ZNF143: variants seen among roughly 807,000 people sequenced by gnomAD.
The protein encoded by ZNF143 is zinc finger protein 143.
ZNF143 carries 49 observed loss-of-function variants against 74.1 expected under a neutral mutation model. The observed-to-expected ratio is 0.66, with a 90% CI of 0.53 to 0.84. ZNF143 has a LOEUF of 0.84. Ranked by LOEUF, ZNF143 falls within the 40% of genes least tolerant of loss-of-function variation. The probability of loss-of-function intolerance (pLI) is 0.00; values close to 1 mark genes in which losing one functional copy is unlikely to be tolerated. For synonymous variants in ZNF143, 304 were observed against 282.8 expected (o/e 1.07, Z -0.75); for missense variants, 637 against 793.4 (o/e 0.80, Z 2.37).
chr11:9,483,119 G>A (rs891121934), intron 7 of ZNF143, among the ~76,000 whole-genome samples: 2 of 149,966 alleles, frequency 1.3e-5, no homozygotes, highest in South Asian at 2.1e-4. Flanking sequence ...TCAGCCTCCC[G>A]AATAGCTGGG....
intron 11 of ZNF143, among the ~76,000 whole-genome samples, chr11:9,501,928 T>TC (rs1848176270): frequency 9.5e-6 from 1 of 105,442 alleles, no homozygotes; most frequent in African/African-American, 4.2e-5. Flanking sequence ...ATATATTCTT[T>TC]TTTTTTTTTT....
chr11:9,470,646 G>C (rs1484322248), intron 1 of ZNF143, among the ~76,000 whole-genome samples: 2 of 152,182 alleles, frequency 1.3e-5, no homozygotes. Flanking sequence ...ATGGTGAGTA[G>C]TAGGAAATGA....
At chr11:9,515,576 C>T (rs756072598) in intron 13 of ZNF143, among the ~76,000 whole-genome samples, 2 of 151,640 alleles carry the variant, frequency 1.3e-5, no homozygotes, top group Admixed American at 6.6e-5. Flanking sequence ...GTGGCATGAA[C>T]CCGGGAGGCG....
chr11:9,473,297 A>G (rs1856691312), intron 3 of ZNF143, among the ~76,000 whole-genome samples: 1 of 151,514 alleles, frequency 6.6e-6, no homozygotes. Context: ...AGGCTGAGGC[A>G]GGAGAGTCGC....
rs1243511429 is a variant in ZNF143, at chr11:9,471,285, C to T, written c.-7-17C>T. The T allele has an allele frequency of 6.4e-7, 1 of 1,574,192 alleles. No homozygotes were observed. Among genetic ancestry groups the T allele is most frequent in the Non-Finnish European group, 8.6e-7 (1 of 1,158,734 alleles). On this transcript the variant is annotated splice_polypyrimidine_tract_variant and intron_variant, in intron 1 of 15. Transcript: ENST00000396602. ...TGTATCATTCTTTGTTCCCAAGTGT[C>T]TTTATTTTTCTTCAAGGTAGAAGAT...
chr11:9,479,467 T>C lies in ZNF143; in HGVS notation c.571-5T>C. On this transcript the variant is annotated splice_region_variant and splice_polypyrimidine_tract_variant and intron_variant, in intron 6 of 15. Transcript: ENST00000396602. ...ACATTTTAAAGCTTTATTTTATTCC[T>C]ATAGGTGTCCATTGATGGAAGTGAA... 6.2e-7 allele frequency: 1 copy of C among 1,611,110 alleles called. No homozygotes were observed. Among genetic ancestry groups the C allele is most frequent in the Non-Finnish European group, 8.5e-7 (1 of 1,178,226 alleles).
chr11:9,526,630 T>G (rs868411366), intron 15 of ZNF143, among the ~76,000 whole-genome samples: 56 of 151,930 alleles, frequency 3.7e-4, no homozygotes, highest in Middle Eastern at 3.2e-3. Context: ...TAAATAGAGA[T>G]GGGGTCTCAC....
chr11:9,471,897 AT>A (rs924797734), intron 2 of ZNF143, among the ~76,000 whole-genome samples: 3 of 138,398 alleles, frequency 2.2e-5, no homozygotes, highest in Non-Finnish European at 3.1e-5. Context: ...AGGGCAGGGA[AT>A]TTTTTTTTTC....
intron 8 of ZNF143, among the ~76,000 whole-genome samples, chr11:9,495,113 A>G (rs1453040101): frequency 6.6e-6 from 1 of 152,224 alleles, no homozygotes; most frequent in Admixed American, 6.5e-5. Context: ...TAATTCACTG[A>G]AATCTAGCAA....
At chr11:9,482,612 G>A (rs1847290703) in intron 7 of ZNF143, among the ~76,000 whole-genome samples, 1 of 150,120 alleles carries the variant, frequency 6.7e-6, no homozygotes, top group Admixed American at 6.6e-5. Context: ...ATTACCATTT[G>A]GTATTGGTAC....
rs34432476 is a variant in ZNF143, at chr11:9,492,105, ATTTTTT to A, written c.646-2523_646-2518del. ...AGGCATTCGCCACCACACCTGGCTA[ATTTTTT>A]TTTTTTTTTTTTTTTTTGAGACGGA... is the stretch of plus-strand genomic sequence containing the variant. On this transcript the variant is annotated intron_variant, in intron 7 of 15. Coordinates refer to ENST00000396602, the MANE Select transcript of ZNF143 (RefSeq NM_003442.6). Among the ~76,000 whole-genome samples, 18 of 100,236 alleles carry A rather than the reference ATTTTTT, an allele frequency of 1.8e-4. No individual in the cohort carries two copies. In the East Asian group the frequency reaches 3.6e-3, roughly 20 times the overall value. The allele number at this position is 100,236 out of a possible 152,430, so 65.8% of individuals were successfully genotyped here.
chr11:9,524,074 G>A (rs1363541300), intron 14 of ZNF143, among the ~76,000 whole-genome samples: 1 of 150,664 alleles, frequency 6.6e-6, no homozygotes, highest in Non-Finnish European at 1.5e-5. Flanking sequence ...AAGGATTTGA[G>A]GACAGTTTAT....
At chr11:9,519,856 C>G (rs1336911392) in intron 14 of ZNF143, among the ~76,000 whole-genome samples, 1 of 151,942 alleles carries the variant, frequency 6.6e-6, no homozygotes, top group African/African-American at 2.4e-5. Context: ...TCTAAGAGTT[C>G]CATTTGTTCA....
chr11:9,461,478 G>A (rs1855837875), intron 1 of ZNF143, among the ~76,000 whole-genome samples: 1 of 152,148 alleles, frequency 6.6e-6, no homozygotes, highest in Non-Finnish European at 1.5e-5. Context: ...CCGAGGCAGA[G>A]TTCCGCCGCC....
At position 9,527,905 on chromosome 11, in the gene ZNF143, CTA is replaced by C. The variant is rs963850389; in HGVS notation, c.*293_*294del. 46 of 223,974 alleles carry C rather than the reference CTA, an allele frequency of 2.1e-4. No homozygotes were observed. Among genetic ancestry groups the C allele is most frequent in the Non-Finnish European group, 1.8e-4 (21 of 114,574 alleles). 13.9% of individuals were successfully genotyped at this position (223,974 alleles called of 1,614,324 possible). ...AAACTCCTAGAGTCTACATGCAAGACTAGTAAAGTCTTATGGAGTCTTATGAT... is the reference window on the plus strand; with the variant it reads ...AAACTCCTAGAGTCTACATGCAAGACGTAAAGTCTTATGGAGTCTTATGAT... On this transcript the variant is annotated 3_prime_UTR_variant, in exon 16 of 16. Coordinates refer to ENST00000396602, the MANE Select transcript of ZNF143 (RefSeq NM_003442.6).
intron 1 of ZNF143, among the ~76,000 whole-genome samples, chr11:9,466,307 T>TC (rs201957677): frequency 0.052 from 7,597 of 147,512 alleles, 258 homozygotes; most frequent in South Asian, 0.077. Flanking sequence ...TCTTTTCTTT[T>TC]TTTTTGAGAT....
chr11:9,480,714 T>G (rs936905174), intron 7 of ZNF143, among the ~76,000 whole-genome samples: 2 of 151,850 alleles, frequency 1.3e-5, no homozygotes, highest in African/African-American at 2.4e-5. Context: ...GGTGAAACCC[T>G]GCCTCTACTA....
At chr11:9,477,154 C>A (rs572509893) in intron 5 of ZNF143, among the ~76,000 whole-genome samples, 1 of 144,610 alleles carries the variant, frequency 6.9e-6, no homozygotes, top group Non-Finnish European at 1.5e-5. Context: ...TTCCTTCCTT[C>A]CTTCCTTCCT....
intron 14 of ZNF143, among the ~76,000 whole-genome samples, chr11:9,523,960 A>G (rs533132477): frequency 6.0e-5 from 9 of 151,196 alleles, no homozygotes; most frequent in Non-Finnish European, 1.2e-4. Context: ...AGGCAGAAGA[A>G]TCGCTTGAAC....
Sources: gnomAD v4.1 joint callset for allele counts (sites outside exome capture counted in the v4.1 genomes callset) on GRCh38, gnomAD v4.1.1 for gene constraint, MANE v1.5 for transcripts, NCBI Gene and HGNC (gene_info 2026-07-23, HGNC 2026-07-21) for gene names.